The following RSU1 variants were observed in gnomAD, a reference collection of about 807,000 sequenced individuals.
The protein encoded by RSU1 is Ras suppressor protein 1, also known as rsu-1.
RSU1 carries 26 observed loss-of-function variants against 31.1 expected under a neutral mutation model. The observed-to-expected ratio is 0.84, with a 90% CI of 0.61 to 1.16. The LOEUF (loss-of-function observed/expected upper bound fraction) is 1.16. RSU1 is among the 50% of genes most tolerant of loss of function. The pLI is 0.00. For missense variants in RSU1, 320 were observed against 339.1 expected (o/e 0.94, Z 0.44); for synonymous variants, 164 against 136.3 (o/e 1.20, Z -1.41).
intron 7 of RSU1, among the ~76,000 whole-genome samples, chr10:16,728,827 G>T (rs1836447481): frequency 6.6e-6 from 1 of 152,112 alleles, no homozygotes; most frequent in African/African-American, 2.4e-5. Context: ...TGAAGGAAGG[G>T]GCTGTAAGCC....
At chr10:16,810,674 A>C (rs1838389481) in intron 2 of RSU1, among the ~76,000 whole-genome samples, 1 of 152,194 alleles carries the variant, frequency 6.6e-6, no homozygotes, top group Non-Finnish European at 1.5e-5. Context: ...CAACGTTTCC[A>C]AGAAATAAAG....
At chr10:16,723,256 A>G (rs994193052) in intron 7 of RSU1, 3 of 152,144 alleles carry the variant, frequency 2.0e-5, no homozygotes, top group African/African-American at 7.2e-5. Flanking sequence ...TTTCTCTTTA[A>G]TTATATAAGA....
intron 3 of RSU1, among the ~76,000 whole-genome samples, chr10:16,776,866 T>C (rs915804575): frequency 5.3e-5 from 8 of 151,964 alleles, no homozygotes; most frequent in Non-Finnish European, 1.2e-4. Context: ...GGCTCTATGA[T>C]TGTAAAGATG....
intron 8 of RSU1, among the ~76,000 whole-genome samples, chr10:16,637,307 G>A (rs1289790454): frequency 6.6e-6 from 1 of 152,192 alleles, no homozygotes; most frequent in Non-Finnish European, 1.5e-5. Context: ...AGACAGGAGG[G>A]ATCAGGAGGT....
intron 8 of RSU1, among the ~76,000 whole-genome samples, chr10:16,642,252 A>G (rs1834455176): frequency 6.6e-6 from 1 of 152,146 alleles, no homozygotes; most frequent in Non-Finnish European, 1.5e-5. Flanking sequence ...GAGGAGGAAA[A>G]GAGGCAAGGG....
intron 2 of RSU1, among the ~76,000 whole-genome samples, chr10:16,799,983 A>C (rs1403204495): frequency 6.6e-6 from 1 of 152,186 alleles, no homozygotes; most frequent in East Asian, 1.9e-4. Context: ...CCTATAAAAT[A>C]ATACGGAATT....
intron 7 of RSU1, among the ~76,000 whole-genome samples, chr10:16,748,641 G>A (rs572976406): frequency 9.2e-4 from 140 of 152,248 alleles, no homozygotes; most frequent in African/African-American, 3.3e-3. Flanking sequence ...CCCATTTCCT[G>A]TCTAAGCTCA....
At chr10:16,726,597 A>G (rs1836401826) in intron 7 of RSU1, among the ~76,000 whole-genome samples, 1 of 152,094 alleles carries the variant, frequency 6.6e-6, no homozygotes, top group Non-Finnish European at 1.5e-5. Context: ...TCACCAAAAC[A>G]TACTTCTGAT....
chr10:16,680,665 T>C (rs1835314051), intron 8 of RSU1, among the ~76,000 whole-genome samples: 1 of 152,066 alleles, frequency 6.6e-6, no homozygotes, highest in Non-Finnish European at 1.5e-5. Flanking sequence ...CCAGATCTTG[T>C]GTGAACTCAG....
In RSU1 at chr10:16,764,490, C is replaced by G. The variant is rs767113650; in HGVS notation, c.181G>C (p.Glu61Gln). 2 of 1,613,672 alleles carry G rather than the reference C, an allele frequency of 1.2e-6. No individual in the cohort carries two copies. The highest frequency in any genetic ancestry group is 2.2e-5 in the South Asian group (2 of 90,968). The change falls in exon 4 of 9, where the codon GAA becomes CAA. Residue 61 changes from glutamate to glutamine, a missense_variant. By Grantham distance (29) the Glu-to-Gln change is conservative. Transcript: ENST00000345264. ...TTGAGCACCTCCAAATTCTTCAGTT[C>G]TGCGATGTTCGGTGGCACCACTATG... ...KLTMVPPNIA[E>Q]LKNLEVLNFF...
At chr10:16,708,223 T>C (rs949181863) in intron 7 of RSU1, among the ~76,000 whole-genome samples, 3 of 152,184 alleles carry the variant, frequency 2.0e-5, no homozygotes, top group African/African-American at 7.2e-5. Flanking sequence ...AATTAACATA[T>C]TTTGTCTGTT....
chr10:16,757,296 T>G (rs1172767871), intron 4 of RSU1, among the ~76,000 whole-genome samples: 1 of 152,094 alleles, frequency 6.6e-6, no homozygotes, highest in Non-Finnish European at 1.5e-5. Flanking sequence ...TGGAAGGGAC[T>G]GTGACAATAA....
At chr10:16,814,929 A>G (rs1201638541) in intron 2 of RSU1, among the ~76,000 whole-genome samples, 1 of 152,238 alleles carries the variant, frequency 6.6e-6, no homozygotes, top group Non-Finnish European at 1.5e-5. Flanking sequence ...AATATTACAT[A>G]AAGTCTCCTC....
At chr10:16,679,936 C>CA (rs1202928265) in intron 8 of RSU1, among the ~76,000 whole-genome samples, 2 of 143,766 alleles carry the variant, frequency 1.4e-5, no homozygotes, top group African/African-American at 5.3e-5. Flanking sequence ...GGCTGGAGTG[C>CA]AGTGGCACAA....
intron 7 of RSU1, among the ~76,000 whole-genome samples, chr10:16,736,041 T>C (rs1836617735): frequency 6.6e-6 from 1 of 152,074 alleles, no homozygotes; most frequent in African/African-American, 2.4e-5. Context: ...ACAGTGGCAA[T>C]GCTGAATTGA....
At chr10:16,768,817 A>G (rs1837369774) in intron 3 of RSU1, among the ~76,000 whole-genome samples, 1 of 152,190 alleles carries the variant, frequency 6.6e-6, no homozygotes, top group South Asian at 2.1e-4. Flanking sequence ...AGTTTCTGGA[A>G]GGTTCCACAA....
chr10:16,692,736 T>A (rs771085075), intron 8 of RSU1, among the ~76,000 whole-genome samples: 11 of 152,148 alleles, frequency 7.2e-5, no homozygotes, highest in Admixed American at 3.3e-4. Flanking sequence ...CGTATTTTTT[T>A]AAAAAAAATT....
intron 8 of RSU1, among the ~76,000 whole-genome samples, chr10:16,607,913 A>G (rs1833832134): frequency 6.6e-6 from 1 of 152,132 alleles, no homozygotes. Flanking sequence ...ACCCAGCTGG[A>G]GTGCATTGGA....
chr10:16,652,501 C>G (rs4288669), intron 8 of RSU1, among the ~76,000 whole-genome samples: 69,292 of 150,818 alleles, frequency 0.46, 16,290 homozygotes, highest in South Asian at 0.64. Context: ...CATACCTAAA[C>G]TGGTATACTG....
Sources: gnomAD v4.1 joint callset for allele counts (sites outside exome capture counted in the v4.1 genomes callset) on GRCh38, gnomAD v4.1.1 for gene constraint, MANE v1.5 for transcripts, NCBI Gene and HGNC (gene_info 2026-07-23, HGNC 2026-07-21) for gene names.